HMCN1: variants seen among roughly 807,000 people sequenced by gnomAD.
HMCN1 encodes hemicentin 1, also known as hemicentin-1.
Under a neutral mutation model 625.9 loss-of-function variants are expected in HMCN1, and 321 were observed. The observed-to-expected ratio is 0.51, with a 90% CI of 0.47 to 0.56. The LOEUF (loss-of-function observed/expected upper bound fraction) is 0.56. Among genes scored for constraint, HMCN1 ranks in the 20% least tolerant of loss-of-function variants. The pLI is 0.00. For synonymous variants in HMCN1, 2,425 were observed against 2,417.6 expected (o/e 1.00, Z -0.09); for missense variants, 6,588 against 6,887.3 (o/e 0.96, Z 1.54).
chr1:185,887,236 C>T (rs1055233820), intron 4 of HMCN1, among the ~76,000 whole-genome samples: 7 of 152,090 alleles, frequency 4.6e-5, no homozygotes, highest in Non-Finnish European at 8.8e-5. Context: ...CACATTTTCT[C>T]ATCCATACTA....
chr1:186,062,534 G>A lies in HMCN1; in HGVS notation c.7447G>A (p.Glu2483Lys), dbSNP rs773869628. Reference protein sequence around the residue: ...SVLVPPHIVGENTLEDVKVKE... With the variant: ...SVLVPPHIVGKNTLEDVKVKE... ...TTTAGTACCACCTCATATTGTGGGT[G>A]AAAATACATTGGAAGATGTGAAGGT... Residue 2483 changes from glutamate (E) to lysine (K), a missense_variant, in exon 48 of 107, where the codon GAA (glutamate) becomes AAA (lysine). Glu to Lys is a moderately conservative substitution (Grantham distance 56). Transcript: ENST00000271588. 2.5e-6 allele frequency: 4 copies of A among 1,610,866 alleles called. No homozygotes were observed. The South Asian group carries it at 4.4e-5, about 18-fold the overall frequency.
intron 1 of HMCN1, among the ~76,000 whole-genome samples, chr1:185,779,968 C>T (rs1475224882): frequency 2.0e-5 from 3 of 152,182 alleles, no homozygotes; most frequent in Non-Finnish European, 4.4e-5. Context: ...ATTGATTCTT[C>T]CTATCCATGA....
intron 9 of HMCN1, among the ~76,000 whole-genome samples, chr1:185,925,858 C>G (rs1307087316): frequency 3.3e-5 from 5 of 152,076 alleles, no homozygotes; most frequent in African/African-American, 4.8e-5. Context: ...GAAAGACAGA[C>G]AGGAGGAGGC....
rs1406167338 is a variant in HMCN1 at position 186,147,628 on chromosome 1, GACC to G, written c.14608+1711_14608+1713del. ...CAGAGATATTGCAGATTCAGTTCTA[GACC>G]ACCACAAGGAAGTGAATATTGCAAC... On this transcript the variant is annotated intron_variant, in intron 93 of 106. Transcript: ENST00000271588. 3.9e-5 allele frequency among the ~76,000 whole-genome samples: 6 copies of G among 152,052 alleles called. 1 individual carries two copies.
rs761720700 is a variant in HMCN1 at position 186,182,300 on chromosome 1, T to A, written c.16414+13T>A. ...AAGACATGCCAAGGTGAGAAAACATTGGGATGTTTATTGTTGCAAACTTGA... is the reference window on the plus strand; with the variant it reads ...AAGACATGCCAAGGTGAGAAAACATAGGGATGTTTATTGTTGCAAACTTGA... On this transcript the variant is annotated intron_variant, in intron 105 of 106. Transcript: ENST00000271588. The A allele has an allele frequency of 6.2e-7, 1 of 1,613,040 alleles. No homozygotes were observed. Among genetic ancestry groups the A allele is most frequent in the African/African-American group, 1.3e-5 (1 of 74,996 alleles).
intron 2 of HMCN1, among the ~76,000 whole-genome samples, chr1:185,847,664 T>C (rs752766712): frequency 2.0e-5 from 3 of 152,140 alleles, no homozygotes; most frequent in Non-Finnish European, 4.4e-5. Flanking sequence ...AGAGTTCCTA[T>C]TGAGGCTGGG....
intron 4 of HMCN1, among the ~76,000 whole-genome samples, chr1:185,901,433 A>G (rs1328525287): frequency 2.6e-5 from 4 of 151,818 alleles, no homozygotes; most frequent in Admixed American, 2.6e-4. Context: ...ACATGTTATA[A>G]TGTTACAATG....
chr1:186,144,748 T>C, intron 91 of HMCN1, 45 bp downstream of exon 91: 1 of 1,599,704 alleles, frequency 6.3e-7, no homozygotes, highest in South Asian at 1.1e-5. Context: ...TTCATAAAGT[T>C]TCATTATGAC....
At chr1:186,154,985 CT>C (rs1462047796) in intron 97 of HMCN1, among the ~76,000 whole-genome samples, 1 of 152,146 alleles carries the variant, frequency 6.6e-6, no homozygotes, top group Non-Finnish European at 1.5e-5. Flanking sequence ...GTTTATGTGA[CT>C]TTAGCTTTGA....
intron 2 of HMCN1, among the ~76,000 whole-genome samples, chr1:185,859,048 TG>T (rs1662696587): frequency 6.7e-6 from 1 of 150,146 alleles, no homozygotes; most frequent in African/African-American, 2.5e-5. Flanking sequence ...TGTGTGTGTG[TG>T]TGTGTGTGTG....
intron 52 of HMCN1, 118 bp from the exon 53 acceptor site, chr1:186,074,621 ATG>A (rs2102355595): frequency 2.4e-6 from 2 of 828,708 alleles, no homozygotes; most frequent in East Asian, 5.3e-5. Context: ...ATTGTCATGA[ATG>A]TTTTGCATAC....
intron 1 of HMCN1, among the ~76,000 whole-genome samples, chr1:185,777,762 A>G (rs1270520353): frequency 6.6e-6 from 1 of 152,158 alleles, no homozygotes; most frequent in African/African-American, 2.4e-5. Context: ...GTTTCTTTAC[A>G]TCTTATTTAT....
intron 45 of HMCN1, among the ~76,000 whole-genome samples, 182 bp from the exon 46 acceptor site, chr1:186,057,052 C>G (rs1025076757): frequency 1.1e-4 from 16 of 151,900 alleles, no homozygotes; most frequent in South Asian, 2.1e-4. Flanking sequence ...CACACACACA[C>G]ACACACACAC....
At chr1:185,902,562 C>A (rs1355738876) in intron 4 of HMCN1, among the ~76,000 whole-genome samples, 1 of 151,508 alleles carries the variant, frequency 6.6e-6, no homozygotes, top group East Asian at 1.9e-4. Flanking sequence ...AACTACTATA[C>A]CTGTATACCT....
At chr1:186,030,225 A>C (rs545231532) in intron 36 of HMCN1, among the ~76,000 whole-genome samples, 1 of 152,190 alleles carries the variant, frequency 6.6e-6, no homozygotes, top group African/African-American at 2.4e-5. Flanking sequence ...TAGGTTGTGC[A>C]AGTCTTCTAT....
chr1:185,846,229 A>G (rs985632302), intron 2 of HMCN1, 133 bp downstream of exon 2: 2 of 688,960 alleles, frequency 2.9e-6, no homozygotes, highest in Non-Finnish European at 5.1e-6. Context: ...CACATCCCCC[A>G]GCCCTCAACC....
At chr1:185,864,200 G>C (rs527747264) in intron 2 of HMCN1, among the ~76,000 whole-genome samples, 5 of 152,258 alleles carry the variant, frequency 3.3e-5, no homozygotes, top group Admixed American at 2.6e-4. Context: ...TCGTGTAAGA[G>C]AAGGCAGAGT....
At chr1:186,108,748 A>T in intron 71 of HMCN1, 151 bp downstream of exon 71, 2 of 978,880 alleles carry the variant, frequency 2.0e-6, no homozygotes, top group South Asian at 3.0e-5. Context: ...TTTTTAAATT[A>T]GCTTTATTAT....
At chr1:185,843,154 G>A (rs1661589251) in intron 1 of HMCN1, among the ~76,000 whole-genome samples, 1 of 152,088 alleles carries the variant, frequency 6.6e-6, no homozygotes, top group African/African-American at 2.4e-5. Context: ...AAAATAAACT[G>A]AATAACGTAG....
Sources: gnomAD v4.1 joint callset for allele counts (sites outside exome capture counted in the v4.1 genomes callset) on GRCh38, gnomAD v4.1.1 for gene constraint, MANE v1.5 for transcripts, NCBI Gene and HGNC (gene_info 2026-07-23, HGNC 2026-07-21) for gene names.